UBR4: variants seen among roughly 807,000 people sequenced by gnomAD.
The protein encoded by UBR4 is E3 ubiquitin-protein ligase UBR4.
UBR4 carries 124 observed loss-of-function variants against 575.6 expected under a neutral mutation model. The ratio of observed to expected loss-of-function variants is 0.22; its 90% CI spans 0.19 to 0.25. UBR4 has a LOEUF of 0.25. Among genes scored for constraint, UBR4 ranks in the 10% least tolerant of loss-of-function variants. The pLI is 1.00. For synonymous variants in UBR4, 2,455 were observed against 2,473.7 expected, an observed-to-expected ratio of 0.99 and a Z score of 0.22; for missense variants, 4,818 against 6,478.8, an observed-to-expected ratio of 0.74 and a Z score of 8.80.
intron 24 of UBR4, 32 bp from the exon 25 acceptor site, chr1:19,173,125 G>C (rs2089811848): frequency 6.2e-7 from 1 of 1,613,534 alleles, no homozygotes; most frequent in East Asian, 2.2e-5. Context: ...AATTAGCTGT[G>C]GCAATGGGCT....
At chr1:19,170,349 C>T (rs935488140) in intron 26 of UBR4, among the ~76,000 whole-genome samples, 3 of 152,158 alleles carry the variant, frequency 2.0e-5, no homozygotes, top group Admixed American at 6.5e-5. Context: ...CAGTGAGCTG[C>T]GATAGCGCCA....
chr1:19,197,552 C>T, intron 7 of UBR4, 118 bp downstream of exon 7: 1 of 1,413,102 alleles, frequency 7.1e-7, no homozygotes, highest in Non-Finnish European at 9.6e-7. Context: ...CTGCTTGAAC[C>T]AGGAGACGAG....
chr1:19,193,321 G>A, intron 9 of UBR4, 112 bp downstream of exon 9: 1 of 1,435,822 alleles, frequency 7.0e-7, no homozygotes, highest in South Asian at 1.3e-5. Context: ...CCCAGGGAAA[G>A]TAGTGTGGAG....
chr1:19,194,265 A>G (rs909403703), intron 8 of UBR4, among the ~76,000 whole-genome samples: 3 of 152,208 alleles, frequency 2.0e-5, no homozygotes, highest in African/African-American at 4.8e-5. Context: ...TATTACTGAT[A>G]AGAGAAACTA....
At position 19,084,620 on chromosome 1, in the gene UBR4, G is replaced by A. The variant is rs368643082; in HGVS notation, c.14892C>T (p.Leu4964=). 10 of 1,614,172 alleles carry A rather than the reference G, an allele frequency of 6.2e-6. No homozygotes were observed. In the African/African-American group the frequency reaches 1.3e-4, roughly 22 times the overall value. ...ACTGCTCCATGGCGAAGCGCAGGAA[G>A]AGCAGTTTGATGTCATGGATGTTGA... ...YQLNIHDIKL[L]FLRFAMEQSF... Residue 4964 remains leucine (L), a synonymous_variant, in exon 102 of 106, where the codon CTC becomes CTT. Transcript: ENST00000375254.
At chr1:19,166,714 CAAAAAAAAAAAAAAAAAAAAAAAAAA>C (rs535369262) in intron 29 of UBR4, among the ~76,000 whole-genome samples, 120 of 73,742 alleles carry the variant, frequency 1.6e-3, no homozygotes, top group African/African-American at 5.2e-3. Flanking sequence ...CCATCTCTAC[CAAAAAAAAAAAAAAAAAAAAAAAAAA>C]AAAAAAAAAA....
Position 19,193,413 on chromosome 1 carries a change from T to C in UBR4, c.1143+20A>G. 1.9e-6 allele frequency: 3 copies of C among 1,612,122 alleles called. No homozygotes were observed. Among genetic ancestry groups the C allele is most frequent in the Non-Finnish European group, 2.5e-6 (3 of 1,178,890 alleles). ...CATTTGAACAATCAAGGTTCCCTTA[T>C]CCCCAGATCTTTGGCTTACACATTT... On this transcript the variant is annotated intron_variant, in intron 9 of 105. Coordinates refer to ENST00000375254, the MANE Select transcript of UBR4 (RefSeq NM_020765.3).
At chr1:19,098,325 G>A (rs896209662) in intron 90 of UBR4, among the ~76,000 whole-genome samples, 3 of 152,208 alleles carry the variant, frequency 2.0e-5, no homozygotes, top group African/African-American at 7.2e-5. Context: ...AGGTAGAGAA[G>A]GGAAGCTGAA....
At chr1:19,179,335 A>C in intron 17 of UBR4, 115 bp from the exon 18 acceptor site, 3 of 1,127,316 alleles carry the variant, frequency 2.7e-6, no homozygotes, top group Non-Finnish European at 3.5e-6. Context: ...ATTTTAAAGA[A>C]AGAAGGACCC....
At chr1:19,081,768 C>G in intron 102 of UBR4, 195 bp from the exon 103 acceptor site, 1 of 727,846 alleles carries the variant, frequency 1.4e-6, no homozygotes, top group Non-Finnish European at 2.5e-6. Context: ...CCCTTCCAGG[C>G]CCTTCTTCGC....
At chr1:19,081,063 C>A in intron 103 of UBR4, 1 of 345,190 alleles carries the variant, frequency 2.9e-6, no homozygotes, top group Non-Finnish European at 5.3e-6. Flanking sequence ...CTGATCATCT[C>A]ATTGGTTTTA....
At chr1:19,144,220 C>G in intron 54 of UBR4, 129 bp from the exon 55 acceptor site, 1 of 752,472 alleles carries the variant, frequency 1.3e-6, no homozygotes, top group Admixed American at 2.3e-5. Flanking sequence ...ACCTGCAACC[C>G]AGCGGACCAA....
intron 41 of UBR4, 140 bp from the exon 42 acceptor site, chr1:19,156,563 G>T (rs932646438): frequency 7.8e-7 from 1 of 1,282,592 alleles, no homozygotes; most frequent in Non-Finnish European, 1.1e-6. Flanking sequence ...TAACATTCAG[G>T]TTTCATGAAC....
At chr1:19,171,467 CTCTA>C (rs2089528880) in intron 25 of UBR4, among the ~76,000 whole-genome samples, 1 of 152,172 alleles carries the variant, frequency 6.6e-6, no homozygotes, top group African/African-American at 2.4e-5. Context: ...AACAACAGCC[CTCTA>C]TCTTCTGCAA....
intron 77 of UBR4, chr1:19,113,341 C>A: frequency 3.3e-6 from 1 of 306,474 alleles, no homozygotes; most frequent in Non-Finnish European, 6.1e-6. Context: ...ACCCTACAGC[C>A]TGCAAACACG....
At position 19,157,793 on chromosome 1, in the gene UBR4, G is replaced by A. The variant is rs187759030; in HGVS notation, c.5760+22C>T. ...TAAGACAATATGACCTAAAGTAAGC[G>A]CACAAGAATTGGAGGACCCACCTTG... On this transcript the variant is annotated intron_variant, in intron 40 of 105. Coordinates refer to ENST00000375254, the MANE Select transcript of UBR4 (RefSeq NM_020765.3). The surrounding 1 kb of genome is among the most constrained non-coding windows in gnomAD (Gnocchi z 4.4). 5.5e-5 allele frequency: 88 copies of A among 1,609,338 alleles called. No homozygotes were observed. In the East Asian group the frequency reaches 9.4e-4, roughly 17 times the overall value.
rs1474130489 is a variant in UBR4, at chr1:19,157,429, A to G, written c.5760+386T>C. On this transcript the variant is annotated intron_variant, in intron 40 of 105. Coordinates refer to ENST00000375254, the MANE Select transcript of UBR4 (RefSeq NM_020765.3). This position sits in a 1 kb window ranked among gnomAD's most constrained non-coding sequence, Gnocchi z 4.4. ...AACAGAGCTGGGATGGCACGGCAGC[A>G]CTACATAAGCAACACTGAGTGTTCC... is the stretch of plus-strand genomic sequence containing the variant. 6.6e-6 allele frequency among the ~76,000 whole-genome samples: 1 copy of G among 152,240 alleles called. No homozygotes were observed. The highest frequency in any genetic ancestry group is 2.4e-5 in the African/African-American group (1 of 41,464).
intron 3 of UBR4, among the ~76,000 whole-genome samples, chr1:19,199,374 AC>A (rs2092634278): frequency 6.6e-6 from 1 of 152,178 alleles, no homozygotes; most frequent in Non-Finnish European, 1.5e-5. Context: ...AGCCCCATGT[AC>A]CAGAGGTTGG....
chr1:19,142,444 C>T (rs191017960), intron 55 of UBR4, among the ~76,000 whole-genome samples: 1 of 152,340 alleles, frequency 6.6e-6, no homozygotes, highest in Admixed American at 6.5e-5. Context: ...GTAAATATGT[C>T]CGTTAGAAAC....
Sources: allele counts gnomAD v4.1 joint callset (sites outside exome capture counted in the v4.1 genomes callset), GRCh38; gene constraint gnomAD v4.1.1; non-coding constraint Gnocchi (gnomAD v3.1); transcripts MANE v1.5; gene names NCBI Gene and HGNC (gene_info 2026-07-23, HGNC 2026-07-21).